Variants in EPS8 observed in about 807,000 individuals in gnomAD.
EPS8 encodes the protein EGFR pathway substrate 8, signaling adaptor.
A neutral mutation model predicts 103.8 loss-of-function variants in EPS8; 42 were observed. The observed-to-expected ratio is 0.40, with a 90% CI of 0.32 to 0.52. The LOEUF (loss-of-function observed/expected upper bound fraction) is 0.52. EPS8 is among the 20% of genes least tolerant of loss of function. The pLI is 0.40. For synonymous variants in EPS8, 344 were observed against 344.6 expected (o/e 1.00, Z 0.02); for missense variants, 969 against 1,005.1 (o/e 0.96, Z 0.49).
Position 15,700,177 on chromosome 12 carries a change from GA to G in EPS8, c.-21-17206del, listed in dbSNP as rs1285670984. On this transcript the variant is annotated intron_variant, in intron 1 of 20. Transcript: ENST00000281172. This position sits in a 1 kb window ranked among gnomAD's most constrained non-coding sequence, Gnocchi z 5.1. ...CTCAAAAACAACAACAACAAAAAAAGAAACTCTTCCCTAACCAACTCAACGT... is the reference window on the plus strand; with the variant it reads ...CTCAAAAACAACAACAACAAAAAAAGAACTCTTCCCTAACCAACTCAACGT... Among the ~76,000 whole-genome samples, 1 of 152,054 alleles carries G rather than the reference GA, an allele frequency of 6.6e-6. No homozygotes were observed. Among genetic ancestry groups the G allele is most frequent in the African/African-American group, 2.4e-5 (1 of 41,418 alleles).
rs1947110593 is a variant in EPS8 at position 15,767,575 on chromosome 12, C to A, written c.-22+21586G>T. ...GTACTTTATTATCCTCATTGTTACT[C>A]TATTTTCCAAAACAGTGAACTAAAT... On this transcript the variant is annotated intron_variant, in intron 1 of 20. Coordinates refer to ENST00000281172, the MANE Select transcript of EPS8 (RefSeq NM_004447.6). The surrounding 1 kb of genome is among the most constrained non-coding windows in gnomAD (Gnocchi z 5.5). 6.6e-6 allele frequency among the ~76,000 whole-genome samples: 1 copy of A among 152,184 alleles called. No individual in the cohort carries two copies. Among genetic ancestry groups the A allele is most frequent in the Non-Finnish European group, 1.5e-5 (1 of 68,018 alleles).
Position 15,700,259 on chromosome 12 carries a change from G to C in EPS8, c.-21-17287C>G, listed in dbSNP as rs1181010763. Among the ~76,000 whole-genome samples, 1 of 152,104 alleles carries C rather than the reference G, an allele frequency of 6.6e-6. No individual in the cohort carries two copies. The highest frequency in any genetic ancestry group is 1.5e-5 in the Non-Finnish European group (1 of 68,018). On this transcript the variant is annotated intron_variant, in intron 1 of 20. Transcript: ENST00000281172. This position sits in a 1 kb window ranked among gnomAD's most constrained non-coding sequence, Gnocchi z 5.1. ...ATCATGTTTAATGTTTTTTAATGTG[G>C]TTATGAAGAACCACTCTAACGTATT...
chr12:15,714,056 C>T lies in EPS8; in HGVS notation c.-21-31084G>A, dbSNP rs893320550. ...GTGATGAGAGGTAAACAAGGCCCCA[C>T]GGGATTTCTTTGGGTAGAAAAACCA... is the stretch of plus-strand genomic sequence containing the variant. On this transcript the variant is annotated intron_variant, in intron 1 of 20. Coordinates refer to ENST00000281172, the MANE Select transcript of EPS8 (RefSeq NM_004447.6). The surrounding 1 kb of genome is among the most constrained non-coding windows in gnomAD (Gnocchi z 4.1). Among the ~76,000 whole-genome samples the T allele has an allele frequency of 2.0e-5, 3 of 151,952 alleles. No homozygotes were observed. The highest frequency in any genetic ancestry group is 7.2e-5 in the African/African-American group (3 of 41,384).
At chr12:15,644,857 C>T (rs960762205) in intron 15 of EPS8, among the ~76,000 whole-genome samples, 1 of 152,028 alleles carries the variant, frequency 6.6e-6, no homozygotes, top group Non-Finnish European at 1.5e-5. Flanking sequence ...CCACAATTTT[C>T]AGACAGTTTT....
In EPS8 at chr12:15,780,158, A is replaced by G. The variant is rs1241230985; in HGVS notation, c.-22+9003T>C. On this transcript the variant is annotated intron_variant, in intron 1 of 20. Coordinates refer to ENST00000281172, the MANE Select transcript of EPS8 (RefSeq NM_004447.6). This position sits in a 1 kb window ranked among gnomAD's most constrained non-coding sequence, Gnocchi z 4.1. ...TATGCAATTCTTAAACAGGTTTGGT[A>G]TCTTTATTCTCTTCTGCTACAATGT... 2 of 152,210 alleles carry G rather than the reference A, an allele frequency of 1.3e-5. No individual in the cohort carries two copies. Among genetic ancestry groups the G allele is most frequent in the African/African-American group, 4.8e-5 (2 of 41,460 alleles). 9.4% of individuals were successfully genotyped at this position (152,210 alleles called of 1,614,324 possible).
intron 1 of EPS8, among the ~76,000 whole-genome samples, chr12:15,740,635 C>T (rs1335756288): frequency 6.6e-6 from 1 of 151,814 alleles, no homozygotes; most frequent in Non-Finnish European, 1.5e-5. Context: ...GCTGCTAGAA[C>T]ATATGTGTCA....
At chr12:15,627,510 C>T (rs184580066) in intron 18 of EPS8, among the ~76,000 whole-genome samples, 1 of 152,078 alleles carries the variant, frequency 6.6e-6, no homozygotes, top group East Asian at 1.9e-4. Context: ...AAACCCCTTA[C>T]ATAACCAGAT....
In EPS8 at chr12:15,702,591, T is replaced by A. The variant is rs2049069931; in HGVS notation, c.-21-19619A>T. 2.0e-5 allele frequency among the ~76,000 whole-genome samples: 3 copies of A among 152,052 alleles called. No homozygotes were observed. The highest frequency in any genetic ancestry group is 6.5e-5 in the Admixed American group (1 of 15,272). ...GAAGAAAAAAAATGCATGCTTAATG[T>A]TTTTACCTATCTCTAAAACATATAT... On this transcript the variant is annotated intron_variant, in intron 1 of 20. Transcript: ENST00000281172. This position sits in a 1 kb window ranked among gnomAD's most constrained non-coding sequence, Gnocchi z 5.1.
At chr12:15,677,294 A>C (rs923471891) in intron 3 of EPS8, among the ~76,000 whole-genome samples, 2 of 152,132 alleles carry the variant, frequency 1.3e-5, no homozygotes, top group Non-Finnish European at 2.9e-5. Context: ...TCATTTGTGA[A>C]AGACAGCAGC....
At chr12:15,647,005 CA>C (rs1328337381) in intron 15 of EPS8, 121 bp downstream of exon 15, 2 of 914,402 alleles carry the variant, frequency 2.2e-6, no homozygotes, top group Non-Finnish European at 3.1e-6. Context: ...GAAACTTTAT[CA>C]ACTAATTAAC....
intron 1 of EPS8, among the ~76,000 whole-genome samples, chr12:15,765,782 A>G (rs1043474985): frequency 6.7e-6 from 1 of 149,592 alleles, no homozygotes; most frequent in African/African-American, 2.5e-5. Context: ...TTTGACACAT[A>G]TCTACTTTTG....
intron 10 of EPS8, among the ~76,000 whole-genome samples, chr12:15,658,793 A>C (rs1945552836): frequency 6.6e-6 from 1 of 152,186 alleles, no homozygotes; most frequent in Admixed American, 6.5e-5. Context: ...GGCACTACAA[A>C]TTACTCATTT....
chr12:15,782,199 TA>T (rs1235097612), intron 1 of EPS8: 1 of 152,112 alleles, frequency 6.6e-6, no homozygotes, highest in East Asian at 1.9e-4. Flanking sequence ...TGTGACAATT[TA>T]AAAACACTCG....
In EPS8 at chr12:15,706,402, T is replaced by C. The variant is rs1946387436; in HGVS notation, c.-21-23430A>G. 6.6e-6 allele frequency among the ~76,000 whole-genome samples: 1 copy of C among 152,192 alleles called. No homozygotes were observed. Among genetic ancestry groups the C allele is most frequent in the Admixed American group, 6.5e-5 (1 of 15,278 alleles). ...TTGTCTAGAATAATTATCTTTTATA[T>C]CTTTGCCTATCTAAATCTTGTATCT... On this transcript the variant is annotated intron_variant, in intron 1 of 20. Transcript: ENST00000281172. The surrounding 1 kb of genome is among the most constrained non-coding windows in gnomAD (Gnocchi z 5.2).
Position 15,632,930 on chromosome 12 carries a change from G to A in EPS8, c.1822-1266C>T, listed in dbSNP as rs142855394. 3.8e-3 allele frequency among the ~76,000 whole-genome samples: 582 copies of A among 152,242 alleles called. 2 individuals carry two copies. Among genetic ancestry groups the A allele is most frequent in the African/African-American group, 0.012 (510 of 41,544 alleles). On this transcript the variant is annotated intron_variant, in intron 17 of 20. Transcript: ENST00000281172. Reference sequence around the variant, plus strand: ...ACTACTCACTGACCAGTGGGATGGGGTCAAGGAAGTGGGAAGCGTATTATG... The same window carrying A: ...ACTACTCACTGACCAGTGGGATGGGATCAAGGAAGTGGGAAGCGTATTATG...
intron 3 of EPS8, among the ~76,000 whole-genome samples, chr12:15,673,335 C>T (rs907977326): frequency 2.0e-5 from 3 of 152,044 alleles, no homozygotes; most frequent in Admixed American, 6.6e-5. Context: ...ACTAGTAGTT[C>T]CAGTGATTTT....
At position 15,785,268 on chromosome 12, in the gene EPS8, GT is replaced by G. The variant is rs751640706; in HGVS notation, c.-22+3892del. Among the ~76,000 whole-genome samples, 7 of 152,104 alleles carry G rather than the reference GT, an allele frequency of 4.6e-5. No individual in the cohort carries two copies. Among genetic ancestry groups the G allele is most frequent in the Non-Finnish European group, 8.8e-5 (6 of 67,952 alleles). On this transcript the variant is annotated intron_variant, in intron 1 of 20. Coordinates refer to ENST00000281172, the MANE Select transcript of EPS8 (RefSeq NM_004447.6). This position sits in a 1 kb window ranked among gnomAD's most constrained non-coding sequence, Gnocchi z 4.9. Reference sequence around the variant, plus strand: ...CTAACTCTAGAAATGAGTAGAAGCTGTGAGACTAAAAGCAAAAGGAATAGTA... The same window carrying G: ...CTAACTCTAGAAATGAGTAGAAGCTGGAGACTAAAAGCAAAAGGAATAGTA...
intron 1 of EPS8, among the ~76,000 whole-genome samples, chr12:15,753,947 G>T (rs764200492): frequency 6.6e-6 from 1 of 152,228 alleles, no homozygotes; most frequent in Non-Finnish European, 1.5e-5. Context: ...GGACAGCTGG[G>T]TATTTCATCT....
chr12:15,637,913 C>CT (rs1314430981), intron 17 of EPS8, among the ~76,000 whole-genome samples: 1 of 152,046 alleles, frequency 6.6e-6, no homozygotes, highest in African/African-American at 2.4e-5. Flanking sequence ...TTCTATTGTT[C>CT]TTTTTACCAA....
Sources: gnomAD v4.1 joint callset for allele counts (sites outside exome capture counted in the v4.1 genomes callset) on GRCh38, gnomAD v4.1.1 for gene constraint, Gnocchi (gnomAD v3.1) non-coding constraint, MANE v1.5 for transcripts, NCBI Gene and HGNC (gene_info 2026-07-23, HGNC 2026-07-21) for gene names.